WDHD1: variants seen among roughly 807,000 people sequenced by gnomAD.
WDHD1 encodes WD repeat and HMG-box DNA-binding protein 1.
WDHD1 carries 111 observed loss-of-function variants against 135.4 expected under a neutral mutation model. The observed-to-expected ratio is 0.82, with a 90% CI of 0.70 to 0.96. The LOEUF is 0.96. WDHD1 is among the 40% of genes least tolerant of loss of function. The probability of loss-of-function intolerance (pLI) is 0.00; values close to 1 mark genes in which losing one functional copy is unlikely to be tolerated. For missense variants in WDHD1, 1,351 were observed against 1,336.3 expected (o/e 1.01, Z -0.17); for synonymous variants, 434 against 439.0 (o/e 0.99, Z 0.14).
At chr14:55,009,705 T>G (rs2042133610) in intron 4 of WDHD1, among the ~76,000 whole-genome samples, 2 of 152,030 alleles carry the variant, frequency 1.3e-5, no homozygotes, top group African/African-American at 4.8e-5. Flanking sequence ...GGGCTGGGAT[T>G]ACAGGCATGA....
rs780189511 is a variant in WDHD1, at chr14:54,962,595, T to C, written c.2648-44A>G. The stretch of plus-strand genomic sequence containing the variant: ...CAATATAATGTAAATGGGGAAAATA[T>C]AGTCATCCTCAATATACAACAACCA... On this transcript the variant is annotated intron_variant, in intron 20 of 25. Coordinates refer to ENST00000360586, the MANE Select transcript of WDHD1 (RefSeq NM_007086.4). 3.7e-5 allele frequency: 57 copies of C among 1,549,968 alleles called. No individual in the cohort carries two copies. In the Middle Eastern group the frequency reaches 5.0e-4, roughly 14 times the overall value.
In WDHD1 at chr14:54,966,478, A is replaced by G; in HGVS notation, c.2307T>C (p.Leu769=). ...TCAGTATATTTATTTTACTCACCGC[A>G]AGCATTTTCATTAAAAGTTCCTGTT... ...KEQQELLMKM[L]ALSCKLEREF... The change falls in exon 18 of 26, where the codon CTT becomes CTC. Residue 769 remains leucine (L), a synonymous_variant. Transcript: ENST00000360586. The G allele has an allele frequency of 6.3e-7, 1 of 1,597,218 alleles. No individual in the cohort carries two copies. The highest frequency in any genetic ancestry group is 8.5e-7 in the Non-Finnish European group (1 of 1,176,446).
intron 23 of WDHD1, 48 bp downstream of exon 23, chr14:54,956,986 A>G: frequency 6.3e-7 from 1 of 1,578,568 alleles, no homozygotes. Flanking sequence ...ACTGAAGACA[A>G]ACAGATCCCA....
intron 6 of WDHD1, among the ~76,000 whole-genome samples, chr14:55,008,062 C>T (rs1483117970): frequency 6.6e-6 from 1 of 152,104 alleles, no homozygotes; most frequent in Non-Finnish European, 1.5e-5. Context: ...AATTTATTCC[C>T]TTCATTTACA....
chr14:54,946,771 T>G (rs1251424169), intron 24 of WDHD1, among the ~76,000 whole-genome samples: 1 of 152,200 alleles, frequency 6.6e-6, no homozygotes, highest in East Asian at 1.9e-4. Context: ...TGGCCAGGTG[T>G]GGTGGCTCAC....
At chr14:54,966,329 C>G in intron 18 of WDHD1, 146 bp downstream of exon 18, 1 of 1,001,706 alleles carries the variant, frequency 1.0e-6, no homozygotes, top group Admixed American at 3.8e-5. Context: ...AACGAGACTC[C>G]GTCGCACAAA....
chr14:55,016,710 C>A (rs907011943), intron 2 of WDHD1, among the ~76,000 whole-genome samples: 1 of 152,160 alleles, frequency 6.6e-6, no homozygotes, highest in African/African-American at 2.4e-5. Flanking sequence ...ACGAAGTTAA[C>A]CTTAATTGAT....
chr14:54,940,435 A>G lies in WDHD1; in HGVS notation c.*1055T>C, dbSNP rs1049272415. On this transcript the variant is annotated 3_prime_UTR_variant, in exon 26 of 26. Transcript: ENST00000360586. The stretch of plus-strand genomic sequence containing the variant: ...GTTCATTTATGTCTAAATTTTCAAC[A>G]TACTTTTTCCCTTTCAACCTATTAA... 1 of 152,180 alleles carries G rather than the reference A, an allele frequency of 6.6e-6. No individual in the cohort carries two copies. The highest frequency in any genetic ancestry group is 1.5e-5 in the Non-Finnish European group (1 of 68,016). 9.4% of individuals were successfully genotyped at this position (152,180 alleles called of 1,614,324 possible). A position where few individuals can be genotyped will look rare whatever the true frequency, so the allele number is the denominator to read the frequency against.
In WDHD1 at chr14:54,955,979, C is replaced by A. The variant is rs529580968; in HGVS notation, c.2917-285G>T. 9.3e-4 allele frequency among the ~76,000 whole-genome samples: 137 copies of A among 147,808 alleles called. 1 individual carries two copies. The highest frequency in any genetic ancestry group is 3.2e-3 in the African/African-American group (130 of 40,050). ...GTGGCGCTATCTCGGCTCACTGCAA[C>A]CTCCACCCTCCGAGTTCAAGTGGTT... On this transcript the variant is annotated intron_variant, in intron 23 of 25. Coordinates refer to ENST00000360586, the MANE Select transcript of WDHD1 (RefSeq NM_007086.4).
chr14:55,007,247 A>AG, intron 7 of WDHD1, 33 bp downstream of exon 7: 1 of 1,487,282 alleles, frequency 6.7e-7, no homozygotes, highest in Non-Finnish European at 9.1e-7. Context: ...AAAAAAAAAA[A>AG]AAGAAAAGAA....
intron 7 of WDHD1, among the ~76,000 whole-genome samples, chr14:55,003,418 G>A (rs1005014184): frequency 1.3e-5 from 2 of 151,956 alleles, no homozygotes; most frequent in Non-Finnish European, 2.9e-5. Context: ...TGGGGGCTGA[G>A]GTGGGAGGAT....
At chr14:54,959,092 C>T (rs2041206486) in intron 21 of WDHD1, among the ~76,000 whole-genome samples, 1 of 152,118 alleles carries the variant, frequency 6.6e-6, no homozygotes, top group Non-Finnish European at 1.5e-5. Context: ...AAGAGCTTTC[C>T]TGGCATGGTG....
At position 55,011,282 on chromosome 14, in the gene WDHD1, C is replaced by T. The variant is rs370729586; in HGVS notation, c.190-822G>A. Reference sequence around the variant, plus strand: ...TGGTGGTTCACACCTGTAATCCCAGCACTTTGGGAGGCCAAGGCGGGTGGA... The same window carrying T: ...TGGTGGTTCACACCTGTAATCCCAGTACTTTGGGAGGCCAAGGCGGGTGGA... On this transcript the variant is annotated intron_variant, in intron 3 of 25. Coordinates refer to ENST00000360586, the MANE Select transcript of WDHD1 (RefSeq NM_007086.4). 1.5e-3 allele frequency among the ~76,000 whole-genome samples: 229 copies of T among 152,176 alleles called. 1 individual carries two copies. Among genetic ancestry groups the T allele is most frequent in the African/African-American group, 5.3e-3 (222 of 41,514 alleles).
intron 21 of WDHD1, among the ~76,000 whole-genome samples, chr14:54,961,861 G>C (rs2041257281): frequency 1.3e-5 from 2 of 150,332 alleles, no homozygotes; most frequent in South Asian, 2.1e-4. Context: ...TTTTGAGATG[G>C]AGTCTCACTC....
intron 11 of WDHD1, 75 bp from the exon 12 acceptor site, chr14:54,991,475 T>C: frequency 7.1e-7 from 1 of 1,411,174 alleles, no homozygotes; most frequent in Non-Finnish European, 9.8e-7. Flanking sequence ...TTATGGAATC[T>C]AGTAACTTTT....
intron 11 of WDHD1, 132 bp from the exon 12 acceptor site, chr14:54,991,532 T>TCTCTTTAACACA: frequency 1.2e-6 from 1 of 858,492 alleles, no homozygotes; most frequent in Non-Finnish European, 1.8e-6. Context: ...TCTTTCACTG[T>TCTCTTTAACACA]GTTAAAGAGA....
In WDHD1 at chr14:54,991,721, G is replaced by A. The variant is rs1381877640; in HGVS notation, c.1154-321C>T. ...ACAGATTTTTTTTTTAAAGTTCTGT[G>A]TGCTAAAATGAGAAGTGTGATGGTT... On this transcript the variant is annotated intron_variant, in intron 11 of 25. Coordinates refer to ENST00000360586, the MANE Select transcript of WDHD1 (RefSeq NM_007086.4). Among the ~76,000 whole-genome samples, 3 of 151,758 alleles carry A rather than the reference G, an allele frequency of 2.0e-5. No homozygotes were observed. The East Asian group carries it at 5.8e-4, about 30-fold the overall frequency.
intron 16 of WDHD1, among the ~76,000 whole-genome samples, chr14:54,980,451 C>G (rs992330868): frequency 2.0e-5 from 3 of 152,052 alleles, no homozygotes; most frequent in Non-Finnish European, 4.4e-5. Context: ...GCCAATGTAT[C>G]ATTTTATACA....
intron 10 of WDHD1, among the ~76,000 whole-genome samples, chr14:55,000,184 G>A (rs2041956284): frequency 6.6e-6 from 1 of 151,808 alleles, no homozygotes; most frequent in East Asian, 1.9e-4. Context: ...AGGTGTATAG[G>A]TAGTTCTAAG....
Sources: gnomAD v4.1 joint callset for allele counts (sites outside exome capture counted in the v4.1 genomes callset) on GRCh38, gnomAD v4.1.1 for gene constraint, MANE v1.5 for transcripts, NCBI Gene and HGNC (gene_info 2026-07-23, HGNC 2026-07-21) for gene names.